PTPRK: variants seen among roughly 807,000 people sequenced by gnomAD.
PTPRK encodes the protein receptor-type tyrosine-protein phosphatase kappa.
In PTPRK, 75 loss-of-function variants were observed where a neutral mutation model predicts 178.0. That is an observed-to-expected ratio of 0.42 (90% CI 0.35 to 0.51). The LOEUF is 0.51. Ranked by LOEUF, PTPRK falls within the 20% of genes least tolerant of loss-of-function variation. The pLI is 0.02. For missense variants in PTPRK, 1,441 were observed against 1,797.8 expected, an observed-to-expected ratio of 0.80 and a Z score of 3.59; for synonymous variants, 637 against 620.6, an observed-to-expected ratio of 1.03 and a Z score of -0.39.
intron 3 of PTPRK, among the ~76,000 whole-genome samples, chr6:128,287,288 A>G (rs997705516): frequency 6.6e-6 from 1 of 152,212 alleles, no homozygotes; most frequent in African/African-American, 2.4e-5. Context: ...GAATAGCAGT[A>G]CTGTCTTCCC....
At chr6:128,378,141 T>C (rs563786332) in intron 2 of PTPRK, among the ~76,000 whole-genome samples, 2 of 152,172 alleles carry the variant, frequency 1.3e-5, no homozygotes, top group African/African-American at 2.4e-5. Context: ...TTCATCTCTA[T>C]ATGTAATTAA....
chr6:127,988,312 T>G (rs1019033318), intron 21 of PTPRK, among the ~76,000 whole-genome samples: 7 of 147,262 alleles, frequency 4.8e-5, no homozygotes, highest in Admixed American at 2.0e-4. Flanking sequence ...TTTTTTTTTT[T>G]TTTTTTTTTG....
chr6:128,227,553 C>G (rs1001380918), intron 5 of PTPRK, among the ~76,000 whole-genome samples: 2 of 152,006 alleles, frequency 1.3e-5, no homozygotes, highest in Non-Finnish European at 2.9e-5. Flanking sequence ...TTTCCTGAAC[C>G]CCACCTCATT....
At chr6:128,404,641 T>C (rs1841439227) in intron 1 of PTPRK, among the ~76,000 whole-genome samples, 1 of 152,212 alleles carries the variant, frequency 6.6e-6, no homozygotes, top group Non-Finnish European at 1.5e-5. Flanking sequence ...CTCTGAGACC[T>C]GGGCAGCTCT....
intron 3 of PTPRK, among the ~76,000 whole-genome samples, chr6:128,296,057 G>A (rs551396484): frequency 6.6e-6 from 1 of 152,184 alleles, no homozygotes; most frequent in South Asian, 2.1e-4. Context: ...TCTGAGTCAA[G>A]GGCAAGTCCT....
intron 13 of PTPRK, among the ~76,000 whole-genome samples, chr6:128,013,304 T>C (rs982069061): frequency 8.6e-5 from 13 of 151,458 alleles, no homozygotes; most frequent in Non-Finnish European, 1.9e-4. Flanking sequence ...CCATACTTTC[T>C]GGCTTGGTGA....
intron 5 of PTPRK, among the ~76,000 whole-genome samples, chr6:128,239,287 C>T (rs1253301666): frequency 5.3e-5 from 8 of 152,134 alleles, no homozygotes; most frequent in Non-Finnish European, 1.0e-4. Flanking sequence ...TCAAATACTT[C>T]GCTCAATAGC....
chr6:128,493,957 T>G (rs989887870), intron 1 of PTPRK, among the ~76,000 whole-genome samples: 1 of 152,206 alleles, frequency 6.6e-6, no homozygotes, highest in Non-Finnish European at 1.5e-5. Flanking sequence ...CTGAAGCTCC[T>G]AGAGGGCAAA....
chr6:127,996,963 G>T lies in PTPRK; in HGVS notation c.2705C>A (p.Ser902Tyr). ...YESFFEGQSA[S>Y]WDVAKKDQNR... The stretch of plus-strand genomic sequence containing the variant: ...TTGATCTTTTTTAGCTACATCCCAA[G>T]ATGCTGACTGTCCTTCAAAAAAGCT... Residue 902 changes from serine (S) to tyrosine (Y), a missense_variant, in exon 17 of 30, where the codon TCT becomes TAT. Ser to Tyr is a moderately radical substitution (Grantham distance 144, BLOSUM62 -2). Coordinates refer to ENST00000368226, the MANE Select transcript of PTPRK (RefSeq NM_002844.4). 6.2e-7 allele frequency: 1 copy of T among 1,611,808 alleles called. No individual in the cohort carries two copies. The highest frequency in any genetic ancestry group is 1.1e-5 in the South Asian group (1 of 90,820).
chr6:128,401,138 G>T (rs1047690204), intron 1 of PTPRK, among the ~76,000 whole-genome samples: 3 of 152,108 alleles, frequency 2.0e-5, no homozygotes, highest in African/African-American at 7.2e-5. Context: ...CTAAGGGACA[G>T]ATCTATCACC....
At chr6:128,194,275 A>G (rs1444756035) in intron 6 of PTPRK, among the ~76,000 whole-genome samples, 1 of 151,706 alleles carries the variant, frequency 6.6e-6, no homozygotes, top group Non-Finnish European at 1.5e-5. Flanking sequence ...TTTCGTACAG[A>G]CGGGGTTTCA....
intron 1 of PTPRK, among the ~76,000 whole-genome samples, chr6:128,428,099 A>T (rs1217098757): frequency 6.6e-6 from 1 of 152,166 alleles, no homozygotes; most frequent in African/African-American, 2.4e-5. Context: ...CTCGAAAAAA[A>T]AGAAAAAAAA....
intron 13 of PTPRK, among the ~76,000 whole-genome samples, chr6:128,020,301 G>A (rs1773303484): frequency 6.6e-6 from 1 of 152,100 alleles, no homozygotes; most frequent in African/African-American, 2.4e-5. Flanking sequence ...CAAACAAACA[G>A]TGCGGAATTA....
intron 7 of PTPRK, among the ~76,000 whole-genome samples, chr6:128,103,115 G>A (rs992988267): frequency 6.6e-6 from 1 of 152,158 alleles, no homozygotes; most frequent in Non-Finnish European, 1.5e-5. Flanking sequence ...GAACAGAAGA[G>A]TGGAGCGGCA....
At chr6:128,281,256 C>T (rs978773234) in intron 3 of PTPRK, among the ~76,000 whole-genome samples, 3 of 152,124 alleles carry the variant, frequency 2.0e-5, no homozygotes, top group African/African-American at 7.2e-5. Flanking sequence ...GTGGACTTCT[C>T]CAAATAAAGC....
intron 21 of PTPRK, 151 bp from the exon 22 acceptor site, chr6:127,986,026 T>A: frequency 9.1e-6 from 6 of 657,648 alleles, no homozygotes; most frequent in Non-Finnish European, 1.4e-5. Context: ...AAAAATATAA[T>A]AAAATGAAGG....
intron 3 of PTPRK, among the ~76,000 whole-genome samples, chr6:128,292,514 T>C (rs183981280): frequency 1.8e-3 from 268 of 152,252 alleles, no homozygotes; most frequent in African/African-American, 6.0e-3. Context: ...TACTGGTTTC[T>C]ATTTCAGATA....
chr6:128,363,644 T>A (rs997201239), intron 2 of PTPRK, among the ~76,000 whole-genome samples: 2 of 152,132 alleles, frequency 1.3e-5, no homozygotes, highest in Non-Finnish European at 2.9e-5. Context: ...GAAACAGACA[T>A]AAACATCATT....
intron 1 of PTPRK, among the ~76,000 whole-genome samples, chr6:128,490,321 C>T (rs185904051): frequency 2.0e-5 from 3 of 152,272 alleles, no homozygotes; most frequent in Admixed American, 2.0e-4. Flanking sequence ...TTATTCTGAG[C>T]CATGAAATTG....
Sources: allele counts gnomAD v4.1 joint callset (sites outside exome capture counted in the v4.1 genomes callset), GRCh38; gene constraint gnomAD v4.1.1; transcripts MANE v1.5; gene names NCBI Gene and HGNC (gene_info 2026-07-23, HGNC 2026-07-21).